Variants in FAM81A observed in about 807,000 individuals in gnomAD.
FAM81A encodes protein FAM81A.
FAM81A carries 19 observed loss-of-function variants against 46.7 expected under a neutral mutation model. The observed-to-expected ratio is 0.41, with a 90% CI of 0.28 to 0.60. The LOEUF is 0.60. Ranked by LOEUF, FAM81A falls within the 20% of genes least tolerant of loss-of-function variation. FAM81A has a pLI of 0.34. For missense variants in FAM81A, 377 were observed against 453.5 expected (o/e 0.83, Z 1.53); for synonymous variants, 183 against 152.9 (o/e 1.20, Z -1.45).
chr15:59,435,865 GGA>G (rs1421608420), upstream of FAM81A, among the ~76,000 whole-genome samples: 1 of 152,062 alleles, frequency 6.6e-6, no homozygotes, highest in Non-Finnish European at 1.5e-5. Context: ...AAGTGATTCT[GGA>G]AAAAATGGAT....
At chr15:59,471,777 G>T (rs2081694723) in intron 3 of FAM81A, among the ~76,000 whole-genome samples, 1 of 151,944 alleles carries the variant, frequency 6.6e-6, no homozygotes, top group Non-Finnish European at 1.5e-5. Context: ...GTGCCTCTTG[G>T]CTCTGGCCTA....
chr15:59,457,026 G>A (rs568393311), intron 1 of FAM81A, among the ~76,000 whole-genome samples: 1 of 152,296 alleles, frequency 6.6e-6, no homozygotes, highest in South Asian at 2.1e-4. Flanking sequence ...CAACTGAGAT[G>A]TCTTACAACT....
At chr15:59,412,299 G>GAGAAAAGACTTGCTGAAAC (rs2081124612) in intron 2 of FAM81A, among the ~76,000 whole-genome samples, 1 of 152,220 alleles carries the variant, frequency 6.6e-6, no homozygotes, top group Non-Finnish European at 1.5e-5. Flanking sequence ...TTGTTGGGGA[G>GAGAAAAGACTTGCTGAAAC]AGAAAAGACT....
chr15:59,503,821 C>T (rs1424867303), intron 4 of FAM81A, among the ~76,000 whole-genome samples: 2 of 152,180 alleles, frequency 1.3e-5, no homozygotes, highest in Admixed American at 6.5e-5. Context: ...GATCCACCTG[C>T]CTCGGCCTCC....
chr15:59,468,678 GATT>G (rs1159280600), intron 3 of FAM81A, among the ~76,000 whole-genome samples: 15 of 147,842 alleles, frequency 1.0e-4, no homozygotes, highest in African/African-American at 3.7e-4. Flanking sequence ...TGGATTCATT[GATT>G]TTTTTGAAGG....
intron 3 of FAM81A, among the ~76,000 whole-genome samples, chr15:59,468,157 G>C (rs966480100): frequency 1.3e-5 from 2 of 152,166 alleles, no homozygotes; most frequent in Non-Finnish European, 2.9e-5. Context: ...AGGGATATTG[G>C]CCTAAAAGTC....
intron 3 of FAM81A, among the ~76,000 whole-genome samples, chr15:59,468,671 A>C (rs1185211135): frequency 1.4e-5 from 2 of 145,138 alleles, no homozygotes; most frequent in African/African-American, 5.1e-5. Context: ...CAGCTCCTGG[A>C]TTCATTGATT....
chr15:59,469,141 A>G (rs1374474459), intron 3 of FAM81A, among the ~76,000 whole-genome samples: 1 of 152,158 alleles, frequency 6.6e-6, no homozygotes, highest in African/African-American at 2.4e-5. Context: ...TATGTGGTCA[A>G]TTTTAGAATA....
At chr15:59,426,392 G>A (rs935990693) in intron 2 of FAM81A, among the ~76,000 whole-genome samples, 5 of 152,142 alleles carry the variant, frequency 3.3e-5, no homozygotes, top group Admixed American at 6.6e-5. Context: ...GATCACCTGA[G>A]GTTGGGAGTT....
intron 1 of FAM81A, among the ~76,000 whole-genome samples, chr15:59,449,163 G>A (rs1274354101): frequency 6.6e-6 from 1 of 152,156 alleles, no homozygotes; most frequent in Non-Finnish European, 1.5e-5. Context: ...CCAATTTCAT[G>A]GTCCTAGAAT....
At chr15:59,462,218 A>AC (rs1180966480) in intron 3 of FAM81A, among the ~76,000 whole-genome samples, 324 of 152,118 alleles carry the variant, frequency 2.1e-3, no homozygotes, top group African/African-American at 7.5e-3. Flanking sequence ...AAAAAAAAAA[A>AC]AACATAGCCA....
chr15:59,501,832 A>C (rs2082093982), intron 4 of FAM81A, among the ~76,000 whole-genome samples: 1 of 152,190 alleles, frequency 6.6e-6, no homozygotes, highest in South Asian at 2.1e-4. Context: ...GAATAGGAAA[A>C]CTGGTTAGAT....
intron 1 of FAM81A, among the ~76,000 whole-genome samples, chr15:59,440,430 A>C (rs75203474): frequency 0.012 from 1,823 of 152,246 alleles, 35 homozygotes; most frequent in African/African-American, 0.043. Flanking sequence ...TTGATGCCCC[A>C]AAAAAGGGAT....
chr15:59,469,927 T>G (rs2081663570), intron 3 of FAM81A, among the ~76,000 whole-genome samples: 1 of 152,184 alleles, frequency 6.6e-6, no homozygotes, highest in Non-Finnish European at 1.5e-5. Flanking sequence ...ACAAAATCTC[T>G]CAGCATTTGC....
At chr15:59,481,006 G>GT (rs1402653026) in intron 3 of FAM81A, among the ~76,000 whole-genome samples, 3 of 151,988 alleles carry the variant, frequency 2.0e-5, no homozygotes, top group African/African-American at 7.3e-5. Context: ...TTATTCATTT[G>GT]TTTTTTGAGA....
chr15:59,418,349 C>G (rs1346507507), intron 2 of FAM81A, among the ~76,000 whole-genome samples: 1 of 152,200 alleles, frequency 6.6e-6, no homozygotes, highest in East Asian at 1.9e-4. Flanking sequence ...ATTTATCTAA[C>G]TGAGTTTTAC....
Position 59,516,839 on chromosome 15 carries a change from T to C in FAM81A, c.981T>C (p.Ala327=). 1 of 1,595,072 alleles carries C rather than the reference T, an allele frequency of 6.3e-7. No individual in the cohort carries two copies. Residue 327 remains alanine (A), a splice_region_variant and synonymous_variant, in exon 8 of 9, where the codon GCT becomes GCC. Coordinates refer to ENST00000288228, the MANE Select transcript of FAM81A (RefSeq NM_152450.3). Reference sequence around the variant, plus strand: ...AGGAAATGAAAGCAGAAGTTAATGCTGGTAGGCCAAAACCAGAACAGCTCA... The same window carrying C: ...AGGAAATGAAAGCAGAAGTTAATGCCGGTAGGCCAAAACCAGAACAGCTCA... ...NIKEMKAEVN[A]GFTAVYESIG...
At chr15:59,398,993 C>A (rs1264005237) in intron 1 of FAM81A, among the ~76,000 whole-genome samples, 2 of 151,922 alleles carry the variant, frequency 1.3e-5, no homozygotes, top group African/African-American at 4.8e-5. Flanking sequence ...CATGGTGAAA[C>A]CCCGTCTCTA....
chr15:59,506,922 A>C (rs1010093952), intron 4 of FAM81A, among the ~76,000 whole-genome samples: 1 of 152,242 alleles, frequency 6.6e-6, no homozygotes, highest in South Asian at 2.1e-4. Flanking sequence ...CACACTAGCT[A>C]TGCTCTTTGT....
Sources: gnomAD v4.1 joint callset for allele counts (sites outside exome capture counted in the v4.1 genomes callset) on GRCh38, gnomAD v4.1.1 for gene constraint, MANE v1.5 for transcripts, NCBI Gene and HGNC (gene_info 2026-07-23, HGNC 2026-07-21) for gene names.